Variants in ARHGAP10 observed in about 807,000 individuals in gnomAD.
ARHGAP10 encodes rho GTPase-activating protein 10.
In ARHGAP10, 87 loss-of-function variants were observed where a neutral mutation model predicts 108.6. That is an observed-to-expected ratio of 0.80 (90% CI 0.67 to 0.96). The LOEUF (loss-of-function observed/expected upper bound fraction) is 0.96, where lower values mean the gene tolerates loss of function less well. Among genes scored for constraint, ARHGAP10 ranks in the 40% least tolerant of loss-of-function variants. The pLI is 0.00. For missense variants in ARHGAP10, 939 were observed against 954.5 expected, an observed-to-expected ratio of 0.98 and a Z score of 0.21; for synonymous variants, 347 against 341.1, an observed-to-expected ratio of 1.02 and a Z score of -0.19.
chr4:147,851,928 G>A (rs758571134), intron 4 of ARHGAP10, among the ~76,000 whole-genome samples: 9 of 152,076 alleles, frequency 5.9e-5, no homozygotes, highest in Non-Finnish European at 8.8e-5. Context: ...ATCCTCTTTC[G>A]GTGCCTTAAT....
rs781492625 is a variant in ARHGAP10 at position 148,047,062 on chromosome 4, G to A, written c.2027+11G>A. 2.3e-5 allele frequency: 37 copies of A among 1,613,644 alleles called. No homozygotes were observed. The East Asian group carries it at 4.5e-4, about 19-fold the overall frequency. On this transcript the variant is annotated intron_variant, in intron 20 of 22. Transcript: ENST00000336498. ...CTGGGCATCCACTATGTAAGTAACC[G>A]TGCTTCTGTTGGGTGCTGAAGGGTG...
chr4:147,830,480 A>G (rs1049843197), intron 3 of ARHGAP10, among the ~76,000 whole-genome samples: 1 of 136,752 alleles, frequency 7.3e-6, no homozygotes, highest in Non-Finnish European at 1.6e-5. Context: ...GGTTTTTGCC[A>G]CTTTTTTTTT....
chr4:147,748,992 AT>A (rs1729041098), intron 1 of ARHGAP10, among the ~76,000 whole-genome samples: 1 of 61,788 alleles, frequency 1.6e-5, no homozygotes, highest in South Asian at 6.0e-4. Flanking sequence ...TATACATAAG[AT>A]AACTTTTACT....
chr4:147,988,632 C>G (rs910544073), intron 18 of ARHGAP10, among the ~76,000 whole-genome samples: 2 of 152,206 alleles, frequency 1.3e-5, no homozygotes, highest in Non-Finnish European at 2.9e-5. Context: ...GGGGACTTCT[C>G]AGGTTAGGAA....
At chr4:148,018,078 G>A (rs1741417650) in intron 18 of ARHGAP10, among the ~76,000 whole-genome samples, 1 of 152,136 alleles carries the variant, frequency 6.6e-6, no homozygotes, top group Non-Finnish European at 1.5e-5. Context: ...GCATGCCTAC[G>A]CGTGGAGTGT....
In ARHGAP10 at chr4:148,046,926, T is replaced by C; in HGVS notation, c.1902T>C (p.Pro634=). 1 of 1,614,136 alleles carries C rather than the reference T, an allele frequency of 6.2e-7. No individual in the cohort carries two copies. Among genetic ancestry groups the C allele is most frequent in the Non-Finnish European group, 8.5e-7 (1 of 1,179,998 alleles). The change falls in exon 20 of 23, where the codon CCT becomes CCC. Residue 634 remains proline, a synonymous_variant. Coordinates refer to ENST00000336498, the MANE Select transcript of ARHGAP10 (RefSeq NM_024605.4). The stretch of plus-strand genomic sequence containing the variant: ...CTTACCCTTCCAAGGAGGACACCCC[T>C]ACCAGCAGTCTGGACTCACTTTCCT... ...DNPYPSKEDT[P]TSSLDSLSSP...
chr4:147,999,926 GTT>G (rs11298127), intron 18 of ARHGAP10, among the ~76,000 whole-genome samples: 105 of 143,462 alleles, frequency 7.3e-4, no homozygotes, highest in African/African-American at 2.4e-3. Context: ...TATTAACAGT[GTT>G]TTTTTTTTTT....
intron 1 of ARHGAP10, among the ~76,000 whole-genome samples, chr4:147,750,593 T>C (rs1290327578): frequency 6.6e-6 from 1 of 151,768 alleles, no homozygotes; most frequent in Non-Finnish European, 1.5e-5. Context: ...GAAGTACATA[T>C]AAAATATCTT....
At chr4:148,044,239 C>T (rs577185643) in intron 19 of ARHGAP10, among the ~76,000 whole-genome samples, 1 of 152,068 alleles carries the variant, frequency 6.6e-6, no homozygotes, top group South Asian at 2.1e-4. Flanking sequence ...ATGATCTGCT[C>T]TATCTGGTTG....
At chr4:147,963,460 T>C (rs763276709) in intron 16 of ARHGAP10, among the ~76,000 whole-genome samples, 15 of 152,212 alleles carry the variant, frequency 9.9e-5, no homozygotes, top group Non-Finnish European at 2.1e-4. Context: ...TTGTCACTTC[T>C]TTGACGCCTG....
chr4:147,939,631 AT>A (rs1216011315), intron 13 of ARHGAP10, among the ~76,000 whole-genome samples, 193 bp from the exon 14 acceptor site: 6 of 152,208 alleles, frequency 3.9e-5, no homozygotes, highest in Non-Finnish European at 8.8e-5. Flanking sequence ...TGCTGAGATT[AT>A]TTTTTTAACC....
intron 3 of ARHGAP10, among the ~76,000 whole-genome samples, chr4:147,845,290 C>A (rs574470645): frequency 6.6e-6 from 1 of 152,182 alleles, no homozygotes; most frequent in African/African-American, 2.4e-5. Flanking sequence ...GAAGGAATTA[C>A]TAGAATGTGC....
chr4:147,930,494 C>T (rs1391785830), intron 13 of ARHGAP10, among the ~76,000 whole-genome samples: 2 of 152,050 alleles, frequency 1.3e-5, no homozygotes, highest in East Asian at 3.9e-4. Flanking sequence ...AACTTCTTGG[C>T]CTATTTAGTT....
chr4:147,763,455 G>T (rs1205369589), intron 1 of ARHGAP10, among the ~76,000 whole-genome samples: 1 of 152,032 alleles, frequency 6.6e-6, no homozygotes, highest in African/African-American at 2.4e-5. Flanking sequence ...GGGACTATAG[G>T]CATGTGCCAC....
intron 1 of ARHGAP10, among the ~76,000 whole-genome samples, chr4:147,764,832 GC>G (rs1729727736): frequency 1.3e-5 from 2 of 152,158 alleles, no homozygotes; most frequent in African/African-American, 4.8e-5. Flanking sequence ...ACTGCACCCA[GC>G]CCAGTAAACA....
At chr4:147,837,627 A>G (rs993989160) in intron 3 of ARHGAP10, among the ~76,000 whole-genome samples, 7 of 47,928 alleles carry the variant, frequency 1.5e-4, no homozygotes, top group Non-Finnish European at 5.4e-4. Context: ...CCACCTCGCT[A>G]GAATCTCTGG....
intron 21 of ARHGAP10, 127 bp downstream of exon 21, chr4:148,063,427 C>A (rs1044325327): frequency 3.9e-6 from 5 of 1,277,706 alleles, no homozygotes; most frequent in Non-Finnish European, 5.4e-6. Flanking sequence ...TCCTGGACTT[C>A]ATGGACAGCA....
At chr4:147,949,769 A>G (rs543262167) in intron 15 of ARHGAP10, among the ~76,000 whole-genome samples, 1 of 152,318 alleles carries the variant, frequency 6.6e-6, no homozygotes, top group South Asian at 2.1e-4. Flanking sequence ...AGGTAAAGGG[A>G]TTGACTGAGA....
At chr4:148,037,847 A>AAG (rs1553974320) in intron 19 of ARHGAP10, among the ~76,000 whole-genome samples, 124 of 151,834 alleles carry the variant, frequency 8.2e-4, no homozygotes, top group African/African-American at 2.7e-3. Flanking sequence ...AAAAAAAAAA[A>AAG]AGAAAAGAAT....
Sources: gnomAD v4.1 joint callset for allele counts (sites outside exome capture counted in the v4.1 genomes callset) on GRCh38, gnomAD v4.1.1 for gene constraint, MANE v1.5 for transcripts, NCBI Gene and HGNC (gene_info 2026-07-23, HGNC 2026-07-21) for gene names.